The following CYP4X1 variants were observed in gnomAD, a reference collection of about 807,000 sequenced individuals.
The protein encoded by CYP4X1 is cytochrome P450 family 4 subfamily X member 1.
A neutral mutation model predicts 57.9 loss-of-function variants in CYP4X1; 44 were observed. The ratio of observed to expected loss-of-function variants is 0.76; its 90% CI spans 0.60 to 0.98. CYP4X1 has a LOEUF of 0.98. Among genes scored for constraint, CYP4X1 ranks in the 50% least tolerant of loss-of-function variants. The pLI, the probability that CYP4X1 is intolerant of heterozygous loss-of-function variation, is 0.00. For synonymous variants in CYP4X1, 227 were observed against 228.6 expected, an observed-to-expected ratio of 0.99 and a Z score of 0.06; for missense variants, 532 against 623.9, an observed-to-expected ratio of 0.85 and a Z score of 1.57.
the CYP4X1 span, among the ~76,000 whole-genome samples, chr1:46,989,776 A>T: frequency 1.3e-5 from 2 of 152,256 alleles, no homozygotes; most frequent in African/African-American, 4.8e-5. Context: ...ATCTTTGACA[A>T]ACCTGACAAA....
chr1:47,053,339 C>A (rs534694859), downstream of CYP4X1, among the ~76,000 whole-genome samples: 50 of 152,252 alleles, frequency 3.3e-4, no homozygotes, highest in African/African-American at 1.2e-3. Flanking sequence ...TGGATTGGTT[C>A]CAAGTCTTTG....
the CYP4X1 span, among the ~76,000 whole-genome samples, chr1:46,985,374 T>C: frequency 0.018 from 2,736 of 152,208 alleles, 69 homozygotes; most frequent in African/African-American, 0.063. Context: ...GTAAGGGGCT[T>C]ATAGGTAAAA....
In CYP4X1 at chr1:47,036,370, T is replaced by TATATATATATATA. The variant is rs1553152516; in HGVS notation, c.775+199_775+200insATATATATATATA. On this transcript the variant is annotated intron_variant, in intron 6 of 11. Coordinates refer to ENST00000371901, the MANE Select transcript of CYP4X1 (RefSeq NM_178033.2). ...AACCATAGCAGTATTATCAGAATTT[T>TATATATATATATA]TATATATATATATATACACTATTTT... Among the ~76,000 whole-genome samples, 304 of 129,810 alleles carry TATATATATATATA rather than the reference T, an allele frequency of 2.3e-3. 6 individuals are homozygous for TATATATATATATA. Among genetic ancestry groups the TATATATATATATA allele is most frequent in the East Asian group, 0.01 (28 of 2,792 alleles). 85.2% of individuals were successfully genotyped at this position (129,810 alleles called of 152,430 possible).
intron 1 of CYP4X1, among the ~76,000 whole-genome samples, chr1:47,025,319 A>G (rs1169670463): frequency 6.6e-6 from 1 of 152,214 alleles, no homozygotes; most frequent in African/African-American, 2.4e-5. Flanking sequence ...GATCCTCCGC[A>G]GATGCAGATG....
At chr1:46,998,623 G>C in the CYP4X1 span, among the ~76,000 whole-genome samples, 5 of 152,038 alleles carry the variant, frequency 3.3e-5, no homozygotes, top group African/African-American at 1.2e-4. Context: ...GGTTGCATTT[G>C]CTTATGAGAT....
chr1:47,012,086 G>A, the CYP4X1 span, among the ~76,000 whole-genome samples: 5 of 152,136 alleles, frequency 3.3e-5, no homozygotes, highest in Admixed American at 1.3e-4. Context: ...TATAAATCAC[G>A]CTGCTATAAA....
chr1:47,022,812 A>G (rs909419043), upstream of CYP4X1, among the ~76,000 whole-genome samples: 5 of 150,696 alleles, frequency 3.3e-5, no homozygotes, highest in Non-Finnish European at 5.9e-5. Context: ...ATGAATGAAT[A>G]AATAAATGAA....
chr1:47,028,929 A>G (rs563317320), intron 1 of CYP4X1, among the ~76,000 whole-genome samples: 57 of 152,352 alleles, frequency 3.7e-4, no homozygotes, highest in South Asian at 1.2e-3. Flanking sequence ...GATTATGGCA[A>G]CATTAACAAA....
chr1:47,002,266 G>A, the CYP4X1 span, among the ~76,000 whole-genome samples: 1 of 152,176 alleles, frequency 6.6e-6, no homozygotes, highest in Non-Finnish European at 1.5e-5. Context: ...GACCCACAGA[G>A]GTAGGCTTAA....
At chr1:47,041,526 A>G (rs777627172) in intron 8 of CYP4X1, among the ~76,000 whole-genome samples, 28 of 152,138 alleles carry the variant, frequency 1.8e-4, no homozygotes, top group Non-Finnish European at 3.8e-4. Context: ...CGTTTCCCTG[A>G]TGATTAGTGA....
chr1:46,968,035 C>T, the CYP4X1 span, among the ~76,000 whole-genome samples: 1 of 152,156 alleles, frequency 6.6e-6, no homozygotes, highest in African/African-American at 2.4e-5. Flanking sequence ...GGGTGGGCCA[C>T]ACTCTCAGGT....
chr1:47,023,432 A>G (rs1222391620), upstream of CYP4X1: 30 of 777,468 alleles, frequency 3.9e-5, no homozygotes, highest in East Asian at 1.2e-4. Context: ...ATGGAAAAGA[A>G]AATCTCTTGC....
rs1271637410 is a variant in CYP4X1, at chr1:47,038,682, G to A, written c.798G>A (p.Lys266=). The change falls in exon 7 of 12, where the codon AAG becomes AAA. Residue 266 remains lysine, a synonymous_variant. Transcript: ENST00000371901. The stretch of plus-strand genomic sequence containing the variant: ...CAGATACAATAATCCAGGAAAGAAA[G>A]AAATCCCTCCAGGCTGGGGTAAAGC... The part of the protein sequence containing the change: ...QYTDTIIQER[K]KSLQAGVKQD... The A allele has an allele frequency of 6.2e-7, 1 of 1,608,748 alleles. No homozygotes were observed. The highest frequency in any genetic ancestry group is 1.7e-5 in the Admixed American group (1 of 59,258).
At chr1:47,045,935 C>T (rs1356267394) in intron 8 of CYP4X1, among the ~76,000 whole-genome samples, 1 of 152,196 alleles carries the variant, frequency 6.6e-6, no homozygotes, top group Non-Finnish European at 1.5e-5. Context: ...TGTCCTCTGC[C>T]TTTCTGTCTG....
At chr1:47,042,729 T>C (rs996763970) in intron 8 of CYP4X1, among the ~76,000 whole-genome samples, 41 of 152,198 alleles carry the variant, frequency 2.7e-4, no homozygotes, top group African/African-American at 9.9e-4. Context: ...CATTTCTGAG[T>C]TACTTCATTT....
chr1:46,993,950 C>T, the CYP4X1 span, among the ~76,000 whole-genome samples: 1 of 152,170 alleles, frequency 6.6e-6, no homozygotes, highest in African/African-American at 2.4e-5. Flanking sequence ...TCCCATTTGT[C>T]AATTTTGGCT....
At chr1:47,025,247 A>C (rs1192760174) in intron 1 of CYP4X1, among the ~76,000 whole-genome samples, 2 of 152,024 alleles carry the variant, frequency 1.3e-5, no homozygotes, top group Non-Finnish European at 2.9e-5. Context: ...CCTGTCTCTC[A>C]CCATGTGGTC....
the CYP4X1 span, among the ~76,000 whole-genome samples, chr1:46,996,899 G>A: frequency 6.6e-6 from 1 of 152,204 alleles, no homozygotes; most frequent in African/African-American, 2.4e-5. Context: ...TCAGTTTTGG[G>A]TGCCACACTG....
At chr1:46,962,266 A>G in the CYP4X1 span, among the ~76,000 whole-genome samples, 1 of 152,022 alleles carries the variant, frequency 6.6e-6, no homozygotes, top group African/African-American at 2.4e-5. Flanking sequence ...ACAGGTGCAC[A>G]CTGCCACGCC....
Sources: gnomAD v4.1 joint callset for allele counts (sites outside exome capture counted in the v4.1 genomes callset) on GRCh38, gnomAD v4.1.1 for gene constraint, MANE v1.5 for transcripts, NCBI Gene and HGNC (gene_info 2026-07-23, HGNC 2026-07-21) for gene names.